FLRT1: variants seen among roughly 807,000 people sequenced by gnomAD.
FLRT1 encodes the protein leucine-rich repeat transmembrane protein FLRT1.
In FLRT1, 14 loss-of-function variants were observed where a neutral mutation model predicts 30.9. The ratio of observed to expected loss-of-function variants is 0.45; its 90% CI spans 0.30 to 0.71. FLRT1 has a LOEUF of 0.71. FLRT1 is among the 30% of genes least tolerant of loss of function. FLRT1 has a pLI of 0.08. For missense variants in FLRT1, 737 were observed against 949.2 expected (o/e 0.78, Z 2.94); for synonymous variants, 368 against 430.4 (o/e 0.85, Z 1.80).
At chr11:64,043,583 G>C (rs530123982) in intron 1 of FLRT1, among the ~76,000 whole-genome samples, 1 of 152,308 alleles carries the variant, frequency 6.6e-6, no homozygotes, top group South Asian at 2.1e-4. Context: ...TCAAATCGTG[G>C]AAAGGGAAAG....
rs752709674 is a variant in FLRT1, at chr11:64,116,667, C to G, written c.400C>G (p.Leu134Val). 1.5e-5 allele frequency: 24 copies of G among 1,613,896 alleles called. No homozygotes were observed. The highest frequency in any genetic ancestry group is 1.9e-5 in the Non-Finnish European group (23 of 1,180,034). ...GCCCCGCTCCCTCCGGGAGCTGCAC[C>G]TGCAGGACAACAATGTGCGCACCAT... ...NLPRSLRELH[L>V]QDNNVRTIAR... Residue 134 changes from leucine to valine, a missense_variant, in exon 3 of 3, where the codon CTG (leucine) becomes GTG (valine). Leu to Val is a conservative substitution (Grantham distance 32). Transcript: ENST00000682287.
At chr11:64,098,372 T>C (rs1007548349) in intron 1 of FLRT1, among the ~76,000 whole-genome samples, 8 of 152,226 alleles carry the variant, frequency 5.3e-5, no homozygotes, top group Non-Finnish European at 7.3e-5. Context: ...AGTCTTCACA[T>C]AGGCTGTTCC....
At chr11:64,084,434 A>G (rs1565225040) in intron 1 of FLRT1, among the ~76,000 whole-genome samples, 1 of 152,032 alleles carries the variant, frequency 6.6e-6, no homozygotes, top group African/African-American at 2.4e-5. Flanking sequence ...CCCTCCCTGC[A>G]CTGTGGGCAG....
rs1329382919 is a variant in FLRT1, at chr11:64,116,295, G to A, written c.28G>A (p.Ala10Thr). MVVAHPTAT[A>T]TTTPTATVTA... Reference sequence around the variant, plus strand: ...GGTGGTGGCACACCCCACCGCCACTGCCACCACCACGCCCACTGCCACTGT... The same window carrying A: ...GGTGGTGGCACACCCCACCGCCACTACCACCACCACGCCCACTGCCACTGT... Residue 10 changes from alanine (A) to threonine (T), a missense_variant, in exon 3 of 3, where the codon GCC becomes ACC. Coordinates refer to ENST00000682287, the MANE Select transcript of FLRT1 (RefSeq NM_013280.5). The A allele has an allele frequency of 6.2e-7, 1 of 1,604,058 alleles. No individual in the cohort carries two copies. The highest frequency in any genetic ancestry group is 1.1e-5 in the South Asian group (1 of 90,328).
chr11:64,057,680 G>A (rs1246762208), intron 1 of FLRT1, among the ~76,000 whole-genome samples: 1 of 152,174 alleles, frequency 6.6e-6, no homozygotes, highest in African/African-American at 2.4e-5. Context: ...CAGGGTGTCT[G>A]CTCCCCCACT....
intron 1 of FLRT1, among the ~76,000 whole-genome samples, chr11:64,041,291 T>C (rs1340239582): frequency 6.8e-6 from 1 of 147,812 alleles, no homozygotes; most frequent in Non-Finnish European, 1.5e-5. Context: ...GGAGCCGGCA[T>C]TTATCTCCAG....
intron 2 of FLRT1, among the ~76,000 whole-genome samples, chr11:64,113,014 A>C (rs1239089263): frequency 6.6e-6 from 1 of 152,208 alleles, no homozygotes; most frequent in Non-Finnish European, 1.5e-5. Context: ...ACATGAAAAC[A>C]CCAGTCACCA....
At chr11:64,078,484 G>C (rs917560326) in intron 1 of FLRT1, among the ~76,000 whole-genome samples, 1 of 152,222 alleles carries the variant, frequency 6.6e-6, no homozygotes, top group Non-Finnish European at 1.5e-5. Flanking sequence ...GGCTAATCTG[G>C]TTATTCCACC....
rs549269899 is a variant in FLRT1 at position 64,108,667 on chromosome 11, G to A, written c.-50+4486G>A. On this transcript the variant is annotated intron_variant, in intron 2 of 2. Transcript: ENST00000682287. ...GACTGGGGTCCCACTGGCCTTTCCCGCTCTGGGGCTGAGAAACTGCTTCTG... is the reference window on the plus strand; with the variant it reads ...GACTGGGGTCCCACTGGCCTTTCCCACTCTGGGGCTGAGAAACTGCTTCTG... 3.3e-5 allele frequency among the ~76,000 whole-genome samples: 5 copies of A among 152,326 alleles called. No homozygotes were observed. The East Asian group carries it at 7.7e-4, about 23-fold the overall frequency.
chr11:64,114,191 GTTAGATGGATGGATGGATGGATGGATGAA>G (rs1944923502), intron 2 of FLRT1, among the ~76,000 whole-genome samples: 1 of 150,398 alleles, frequency 6.6e-6, no homozygotes. Flanking sequence ...TGGATGGATG[GTTAGATGGATGGATGGATGGATGGATGAA>G]TGGACAGATG....
intron 2 of FLRT1, among the ~76,000 whole-genome samples, chr11:64,105,194 G>A (rs970956425): frequency 1.5e-4 from 23 of 152,346 alleles, no homozygotes; most frequent in African/African-American, 5.1e-4. Context: ...GCGGGGCCGC[G>A]AGCGTGCCTG....
At position 64,100,286 on chromosome 11, in the gene FLRT1, G is replaced by C. The variant is rs370803873; in HGVS notation, c.-1037-2908G>C. On this transcript the variant is annotated intron_variant, in intron 1 of 2. Transcript: ENST00000682287. ...TGCAGAGATGTGAGATTGGGCACTT[G>C]GCTTTCTTTCCCTCCTTTCAAATTT... Among the ~76,000 whole-genome samples the C allele has an allele frequency of 1.6e-4, 24 of 152,298 alleles. 1 individual carries two copies. In the South Asian group the frequency reaches 5.0e-3, roughly 32 times the overall value.
At chr11:64,039,380 G>T (rs1044336821) in intron 1 of FLRT1, among the ~76,000 whole-genome samples, 1 of 152,154 alleles carries the variant, frequency 6.6e-6, no homozygotes, top group African/African-American at 2.4e-5. Flanking sequence ...TGCTGCCCCC[G>T]GTGTACTGCC....
intron 1 of FLRT1, among the ~76,000 whole-genome samples, chr11:64,042,592 G>A (rs867136885): frequency 7.9e-5 from 12 of 152,090 alleles, no homozygotes; most frequent in African/African-American, 1.2e-4. Flanking sequence ...CTGGCCTGGT[G>A]GCCAGGCCTG....
At chr11:64,078,107 G>A (rs903272254) in intron 1 of FLRT1, among the ~76,000 whole-genome samples, 9 of 152,172 alleles carry the variant, frequency 5.9e-5, no homozygotes, top group Admixed American at 3.9e-4. Context: ...CGCACCTGCC[G>A]GCTTGGGGCT....
At chr11:64,099,724 A>G (rs1345325840) in intron 1 of FLRT1, among the ~76,000 whole-genome samples, 1 of 150,428 alleles carries the variant, frequency 6.6e-6, no homozygotes, top group Non-Finnish European at 1.5e-5. Context: ...AGATAGATGG[A>G]AGGATGGATG....
intron 1 of FLRT1, among the ~76,000 whole-genome samples, chr11:64,079,064 G>A (rs1282832657): frequency 2.0e-5 from 3 of 152,084 alleles, no homozygotes; most frequent in Admixed American, 6.5e-5. Context: ...CGGACAGACC[G>A]GGGGCGGTGG....
intron 1 of FLRT1, among the ~76,000 whole-genome samples, chr11:64,061,008 C>T (rs565009849): frequency 6.6e-6 from 1 of 152,044 alleles, no homozygotes; most frequent in African/African-American, 2.4e-5. Context: ...CTTCCCCGAC[C>T]CAGGCATCCT....
At chr11:64,041,019 G>A (rs1943474071) in intron 1 of FLRT1, among the ~76,000 whole-genome samples, 1 of 151,900 alleles carries the variant, frequency 6.6e-6, no homozygotes, top group Non-Finnish European at 1.5e-5. Flanking sequence ...GCTGGTTGGG[G>A]ATGGCTTATA....
Sources: allele counts gnomAD v4.1 joint callset (sites outside exome capture counted in the v4.1 genomes callset), GRCh38; gene constraint gnomAD v4.1.1; transcripts MANE v1.5; gene names NCBI Gene and HGNC (gene_info 2026-07-23, HGNC 2026-07-21).